Variants in KAZN observed in about 807,000 individuals in gnomAD.
KAZN encodes the protein kazrin, periplakin interacting protein.
KAZN carries 40 observed loss-of-function variants against 87.4 expected under a neutral mutation model. The observed-to-expected ratio is 0.46, with a 90% CI of 0.36 to 0.60. The LOEUF is 0.60. KAZN is among the 20% of genes least tolerant of loss of function. The pLI is 0.00. For missense variants in KAZN, 898 were observed against 1,073.9 expected (o/e 0.84, Z 2.29); for synonymous variants, 466 against 458.3 (o/e 1.02, Z -0.22).
chr1:14,433,421 T>C (rs1202265203), intron 2 of KAZN, among the ~76,000 whole-genome samples: 1 of 152,206 alleles, frequency 6.6e-6, no homozygotes, highest in Non-Finnish European at 1.5e-5. Flanking sequence ...TGTGGTTTGC[T>C]CTTACAGACT....
At chr1:14,681,637 ATATATATATATATATATATAT>A (rs1640619898) in intron 1 of KAZN, among the ~76,000 whole-genome samples, 1 of 18,984 alleles carries the variant, frequency 5.3e-5, no homozygotes, top group East Asian at 1.9e-3. Flanking sequence ...ATATATATAT[ATATATATATATATATATATAT>A]TTTTTTTTTT....
intron 2 of KAZN, among the ~76,000 whole-genome samples, chr1:14,459,264 T>C (rs1438864684): frequency 1.3e-5 from 2 of 151,624 alleles, no homozygotes; most frequent in Non-Finnish European, 2.9e-5. Flanking sequence ...TGTGCGCGTG[T>C]GTGTGTGTGT....
At chr1:15,000,173 A>T (rs1227851009) in intron 2 of KAZN, among the ~76,000 whole-genome samples, 1 of 146,138 alleles carries the variant, frequency 6.8e-6, no homozygotes, top group Non-Finnish European at 1.5e-5. Context: ...TCAGAGTCAG[A>T]GAGATCTGAA....
At chr1:14,079,627 C>T (rs1180633916) in intron 1 of KAZN, among the ~76,000 whole-genome samples, 1 of 152,186 alleles carries the variant, frequency 6.6e-6, no homozygotes, top group African/African-American at 2.4e-5. Flanking sequence ...ATGTCTTTTG[C>T]TTCCAAAGTC....
rs183802963 is a variant in KAZN, at chr1:14,429,618, A to G, written c.250-169365A>G. ...CTTTCCCTTTCCAAAATCAATAAAC[A>G]TAATAGTAATGACAGTGCAACCATG... On this transcript the variant is annotated intron_variant, in intron 2 of 16. Coordinates refer to the KAZN transcript ENST00000636203. 2.2e-3 allele frequency among the ~76,000 whole-genome samples: 337 copies of G among 152,296 alleles called. 1 individual carries two copies. The highest frequency in any genetic ancestry group is 7.8e-3 in the African/African-American group (324 of 41,556).
intron 1 of KAZN, among the ~76,000 whole-genome samples, chr1:14,751,669 T>C (rs1406680172): frequency 6.6e-6 from 1 of 152,162 alleles, no homozygotes; most frequent in African/African-American, 2.4e-5. Flanking sequence ...GGGCTACAAC[T>C]GGTGTTCAAC....
intron 1 of KAZN, among the ~76,000 whole-genome samples, chr1:13,928,948 C>T (rs1414378887): frequency 6.6e-6 from 1 of 150,836 alleles, no homozygotes; most frequent in Non-Finnish European, 1.5e-5. Flanking sequence ...ATTAGAGAGA[C>T]TTCTCCTCCT....
At chr1:14,305,085 T>C (rs1002648411) in intron 2 of KAZN, among the ~76,000 whole-genome samples, 3 of 152,300 alleles carry the variant, frequency 2.0e-5, no homozygotes, top group Non-Finnish European at 2.9e-5. Flanking sequence ...AGAAAGGATA[T>C]GTCTGCTGCA....
At chr1:14,427,245 G>T (rs1324450992) in intron 2 of KAZN, among the ~76,000 whole-genome samples, 5 of 152,088 alleles carry the variant, frequency 3.3e-5, no homozygotes, top group Admixed American at 3.3e-4. Flanking sequence ...CTTCACCTCT[G>T]GCTCCCCCAT....
At chr1:14,047,420 C>T (rs1012826928) in intron 1 of KAZN, among the ~76,000 whole-genome samples, 1 of 152,142 alleles carries the variant, frequency 6.6e-6, no homozygotes, top group Non-Finnish European at 1.5e-5. Context: ...GGAACAGCAC[C>T]CCCTGGAAGT....
chr1:15,034,983 C>A, intron 3 of KAZN, 98 bp downstream of exon 3: 2 of 1,461,416 alleles, frequency 1.4e-6, no homozygotes, highest in Non-Finnish European at 1.9e-6. Context: ...CTTGAATCCC[C>A]AAACACAGAT....
At chr1:13,933,815 A>T (rs1288497702) in intron 1 of KAZN, among the ~76,000 whole-genome samples, 1 of 152,226 alleles carries the variant, frequency 6.6e-6, no homozygotes, top group Non-Finnish European at 1.5e-5. Context: ...AGAAAGGTAG[A>T]CTAACTTTCC....
rs561490225 is a variant in KAZN at position 15,067,572 on chromosome 1, C to T, written c.1222+1819C>T. ...CAACAGTAGTCGTGCTTTCTGCTAA[C>T]GGTGACATTTTCAGCTCTTAAAAAG... On this transcript the variant is annotated intron_variant, in intron 8 of 14. Coordinates refer to ENST00000376030, the MANE Select transcript of KAZN (RefSeq NM_201628.3). 2.6e-3 allele frequency: 2,542 copies of T among 985,466 alleles called. 3 individuals are homozygous for T. Among genetic ancestry groups the T allele is most frequent in the Non-Finnish European group, 2.9e-3 (2,431 of 829,942 alleles). 61.0% of individuals were successfully genotyped at this position (985,466 alleles called of 1,614,324 possible).
At position 15,023,417 on chromosome 1, in the gene KAZN, T is replaced by G. The variant is rs145418935; in HGVS notation, c.419-11332T>G. Reference sequence around the variant, plus strand: ...AGGAGATGGGAGGAAGTGAGACACGTGGGTAGGAGGGGGAAGGAAGGAGGG... The same window carrying G: ...AGGAGATGGGAGGAAGTGAGACACGGGGGTAGGAGGGGGAAGGAAGGAGGG... On this transcript the variant is annotated intron_variant, in intron 2 of 14. Coordinates refer to ENST00000376030, the MANE Select transcript of KAZN (RefSeq NM_201628.3). Among the ~76,000 whole-genome samples the G allele has an allele frequency of 4.6e-3, 693 of 151,236 alleles. 5 individuals carry two copies. The highest frequency in any genetic ancestry group is 0.014 in the African/African-American group (594 of 41,170).
chr1:14,959,549 C>G (rs570804773), intron 1 of KAZN, among the ~76,000 whole-genome samples: 1 of 151,964 alleles, frequency 6.6e-6, no homozygotes, highest in Non-Finnish European at 1.5e-5. Context: ...GGGGGCGGCC[C>G]GGTGACCAGC....
intron 1 of KAZN, among the ~76,000 whole-genome samples, chr1:14,662,676 T>C (rs780421740): frequency 6.6e-6 from 1 of 151,806 alleles, no homozygotes; most frequent in South Asian, 2.1e-4. Context: ...TGTGTGTGTA[T>C]ATGAGTGTTT....
rs1441502008 is a variant in KAZN at position 14,889,428 on chromosome 1, T to A, written c.227-71256T>A. On this transcript the variant is annotated intron_variant, in intron 1 of 14. Coordinates refer to ENST00000376030, the MANE Select transcript of KAZN (RefSeq NM_201628.3). ...TATAGCCATATAAAGCATGGGTGCATCTTGGAAATATAATATTGAGTGAAA... is the reference window on the plus strand; with the variant it reads ...TATAGCCATATAAAGCATGGGTGCAACTTGGAAATATAATATTGAGTGAAA... Among the ~76,000 whole-genome samples the A allele has an allele frequency of 2.6e-5, 4 of 152,310 alleles. No individual in the cohort carries two copies. The East Asian group carries it at 7.7e-4, about 29-fold the overall frequency.
chr1:14,815,502 A>G (rs1646536587), intron 1 of KAZN, among the ~76,000 whole-genome samples: 1 of 152,220 alleles, frequency 6.6e-6, no homozygotes, highest in Non-Finnish European at 1.5e-5. Context: ...CTATTGTGGC[A>G]GAAAACTGGA....
chr1:14,641,893 G>A (rs1448714777), intron 1 of KAZN, among the ~76,000 whole-genome samples: 1 of 152,176 alleles, frequency 6.6e-6, no homozygotes, highest in South Asian at 2.1e-4. Context: ...CTACAAACTG[G>A]GGAGAAATAT....
Sources: allele counts gnomAD v4.1 joint callset (sites outside exome capture counted in the v4.1 genomes callset), GRCh38; gene constraint gnomAD v4.1.1; transcripts MANE v1.5; gene names NCBI Gene and HGNC (gene_info 2026-07-23, HGNC 2026-07-21).